DNAH9: variants seen among roughly 807,000 people sequenced by gnomAD.
DNAH9 encodes the protein dynein axonemal heavy chain 9.
DNAH9 carries 345 observed loss-of-function variants against 471.6 expected under a neutral mutation model. The ratio of observed to expected loss-of-function variants is 0.73; its 90% CI spans 0.67 to 0.80. DNAH9 has a LOEUF of 0.80. Ranked by LOEUF, DNAH9 falls within the 30% of genes least tolerant of loss-of-function variation. The pLI is 0.00. For missense variants in DNAH9, 5,407 were observed against 5,609.2 expected (o/e 0.96, Z 1.15); for synonymous variants, 2,093 against 2,123.6 (o/e 0.99, Z 0.40).
chr17:11,921,590 T>C (rs1974140019), intron 61 of DNAH9, among the ~76,000 whole-genome samples: 1 of 152,160 alleles, frequency 6.6e-6, no homozygotes, highest in Non-Finnish European at 1.5e-5. Flanking sequence ...TGGAGGGACT[T>C]GCTCAAGGCC....
chr17:11,965,755 A>C (rs1274543694), intron 68 of DNAH9, among the ~76,000 whole-genome samples: 1 of 152,192 alleles, frequency 6.6e-6, no homozygotes, highest in Non-Finnish European at 1.5e-5. Context: ...CTGAATAGAG[A>C]ATACAGAGAG....
intron 26 of DNAH9, among the ~76,000 whole-genome samples, chr17:11,718,491 C>A (rs936496869): frequency 6.6e-6 from 1 of 152,186 alleles, no homozygotes; most frequent in African/African-American, 2.4e-5. Context: ...GTTGCTGAAT[C>A]ATATGGTATG....
Position 11,855,436 on chromosome 17 carries a change from G to A in DNAH9, c.9933+1008G>A, listed in dbSNP as rs561329642. ...TATTTAACCTTCCATCTTAGATAATGTGGAGTCTTTGTGTGAGAAAGGTGA... is the reference window on the plus strand; with the variant it reads ...TATTTAACCTTCCATCTTAGATAATATGGAGTCTTTGTGTGAGAAAGGTGA... On this transcript the variant is annotated intron_variant, in intron 50 of 68. Coordinates refer to ENST00000262442, the MANE Select transcript of DNAH9 (RefSeq NM_001372.4). Among the ~76,000 whole-genome samples, 33 of 152,252 alleles carry A rather than the reference G, an allele frequency of 2.2e-4. 1 individual carries two copies. The South Asian group carries it at 6.6e-3, about 31-fold the overall frequency.
chr17:11,933,792 C>A, intron 64 of DNAH9, 88 bp from the exon 65 acceptor site: 3 of 1,237,238 alleles, frequency 2.4e-6, no homozygotes, highest in Non-Finnish European at 3.4e-6. Context: ...TCTCTTGTGG[C>A]TTTCTGTGCT....
At position 11,834,898 on chromosome 17, in the gene DNAH9, G is replaced by A; in HGVS notation, c.9507G>A (p.Lys3169=). ...AAQAALNTLN[K]TNLTELKSFG... is the part of the protein sequence containing the mutation. ...AGGCAGCTCTCAACACCCTGAACAA[G>A]GTAGGAGGACTGTCTGCCATACCTG... The change falls in exon 49 of 69, where the codon AAG becomes AAA. Residue 3169 remains lysine, a splice_region_variant and synonymous_variant. Transcript: ENST00000262442. 6.2e-7 allele frequency: 1 copy of A among 1,612,234 alleles called. No individual in the cohort carries two copies. The highest frequency in any genetic ancestry group is 8.5e-7 in the Non-Finnish European group (1 of 1,179,554).
Position 11,679,812 on chromosome 17 carries a change from G to A in DNAH9, c.3409G>A (p.Val1137Ile). 1 of 1,614,130 alleles carries A rather than the reference G, an allele frequency of 6.2e-7. No homozygotes were observed. Among genetic ancestry groups the A allele is most frequent in the Non-Finnish European group, 8.5e-7 (1 of 1,180,014 alleles). ...KKSESGLLKK[V>I]EKGDFQGLVE... Reference sequence around the variant, plus strand: ...GAGTGAGAGCGGCTTACTCAAGAAAGTTGAAAAAGGAGATTTCCAAGGCTT... The same window carrying A: ...GAGTGAGAGCGGCTTACTCAAGAAAATTGAAAAAGGAGATTTCCAAGGCTT... Residue 1137 changes from valine to isoleucine, a missense_variant, in exon 18 of 69, where the codon GTT becomes ATT. This residue lies in a region of DNAH9 where 4,636 missense variants were observed against 4,900.3 expected (regional missense o/e 0.95). Transcript: ENST00000262442.
At chr17:11,749,922 CA>C (rs1967079959) in intron 32 of DNAH9, among the ~76,000 whole-genome samples, 1 of 152,156 alleles carries the variant, frequency 6.6e-6, no homozygotes, top group Non-Finnish European at 1.5e-5. Context: ...AGTCCCTCCT[CA>C]GTAATCTTTT....
chr17:11,741,343 G>A (rs2075430231), intron 29 of DNAH9, among the ~76,000 whole-genome samples: 1 of 152,160 alleles, frequency 6.6e-6, no homozygotes, highest in Non-Finnish European at 1.5e-5. Context: ...CTATATTATT[G>A]TATATGCCAT....
At position 11,628,726 on chromosome 17, in the gene DNAH9, T is replaced by C. The variant is rs538738500; in HGVS notation, c.1351-691T>C. ...GCTGTCATTCTAGAACTGGATAACA[T>C]GATCCATTTGAAATGAGCTATTTTA... On this transcript the variant is annotated intron_variant, in intron 6 of 68. Transcript: ENST00000262442. Among the ~76,000 whole-genome samples, 11 of 152,338 alleles carry C rather than the reference T, an allele frequency of 7.2e-5. No individual in the cohort carries two copies. In the South Asian group the frequency reaches 2.3e-3, roughly 32 times the overall value.
intron 3 of DNAH9, 101 bp from the exon 4 acceptor site, chr17:11,611,549 C>T (rs1170170595): frequency 1.7e-5 from 21 of 1,245,268 alleles, no homozygotes; most frequent in African/African-American, 9.0e-5. Context: ...GGAAGCACCC[C>T]GAGGCAGGGC....
intron 14 of DNAH9, 121 bp from the exon 15 acceptor site, chr17:11,664,712 A>G (rs1388652840): frequency 3.4e-5 from 27 of 795,600 alleles, no homozygotes; most frequent in Admixed American, 5.3e-5. Flanking sequence ...TACATGTGTA[A>G]TAGCAAATTC....
At chr17:11,720,012 C>T (rs572959697) in intron 27 of DNAH9, among the ~76,000 whole-genome samples, 17 of 152,158 alleles carry the variant, frequency 1.1e-4, no homozygotes, top group African/African-American at 3.6e-4. Flanking sequence ...TAATCAACCC[C>T]GACTCAGAGC....
At chr17:11,733,995 G>A (rs776758775) in intron 28 of DNAH9, among the ~76,000 whole-genome samples, 1 of 152,166 alleles carries the variant, frequency 6.6e-6, no homozygotes, top group Non-Finnish European at 1.5e-5. Flanking sequence ...TGGCTGAGGG[G>A]CAATTGTGGG....
intron 30 of DNAH9, among the ~76,000 whole-genome samples, chr17:11,743,965 G>T (rs943418070): frequency 6.6e-6 from 1 of 151,870 alleles, no homozygotes; most frequent in African/African-American, 2.4e-5. Flanking sequence ...GAGTAGCTGG[G>T]ATAACAGGCA....
Position 11,619,548 on chromosome 17 carries a change from G to A in DNAH9, c.1117G>A (p.Ala373Thr), listed in dbSNP as rs1174216251. The A allele has an allele frequency of 2.5e-6, 4 of 1,590,916 alleles. No individual in the cohort carries two copies. Among genetic ancestry groups the A allele is most frequent in the East Asian group, 2.2e-5 (1 of 44,756 alleles). The change falls in exon 6 of 69, where the codon GCC (alanine) becomes ACC (threonine). Residue 373 changes from alanine (A) to threonine (T), a missense_variant and splice_region_variant. Ala to Thr is a moderately conservative substitution (Grantham distance 58, BLOSUM62 0). This residue lies in a region of DNAH9 where 767 missense variants were observed against 692.5 expected (regional missense o/e 1.11). Transcript: ENST00000262442. Reference sequence around the variant, plus strand: ...TGATACTAATCTGTTTGTATACCAGGCCTCTAATTATCTCAGCCCAGAAGA... The same window carrying A: ...TGATACTAATCTGTTTGTATACCAGACCTCTAATTATCTCAGCCCAGAAGA... ...QEICNLLIQQ[A>T]SNYLSPEDLL... is the part of the protein sequence containing the mutation.
chr17:11,891,057 C>CT (rs1973035118), intron 57 of DNAH9, among the ~76,000 whole-genome samples: 1 of 152,080 alleles, frequency 6.6e-6, no homozygotes, highest in Non-Finnish European at 1.5e-5. Context: ...CAAATATTTA[C>CT]TTTTTTAAAT....
At chr17:11,765,494 T>C (rs902979063) in intron 36 of DNAH9, among the ~76,000 whole-genome samples, 30 of 152,358 alleles carry the variant, frequency 2.0e-4, no homozygotes, top group African/African-American at 6.5e-4. Flanking sequence ...ACATCCGTCC[T>C]ACCAACCATC....
chr17:11,680,643 T>G (rs1403532757), intron 18 of DNAH9, 80 bp from the exon 19 acceptor site: 4 of 1,235,084 alleles, frequency 3.2e-6, no homozygotes, highest in Non-Finnish European at 4.7e-6. Flanking sequence ...GATGGAAGCA[T>G]CTGGGCTCTG....
At chr17:11,735,837 A>G (rs2075338497) in intron 28 of DNAH9, among the ~76,000 whole-genome samples, 1 of 152,232 alleles carries the variant, frequency 6.6e-6, no homozygotes, top group Non-Finnish European at 1.5e-5. Flanking sequence ...GAAAACGTAT[A>G]TGCTTGATGA....
Sources: allele counts gnomAD v4.1 joint callset (sites outside exome capture counted in the v4.1 genomes callset), GRCh38; gene constraint gnomAD v4.1.1; regional missense constraint gnomAD v4.1.1; transcripts MANE v1.5; gene names NCBI Gene and HGNC (gene_info 2026-07-23, HGNC 2026-07-21).